Variants in PRKG1 observed in about 807,000 individuals in gnomAD.
PRKG1 encodes cGMP-dependent protein kinase 1.
PRKG1 carries 35 observed loss-of-function variants against 88.1 expected under a neutral mutation model. The observed-to-expected ratio is 0.40, with a 90% CI of 0.30 to 0.53. The LOEUF (loss-of-function observed/expected upper bound fraction) is 0.53, where lower values mean the gene tolerates loss of function less well. Ranked by LOEUF, PRKG1 falls within the 20% of genes least tolerant of loss-of-function variation. PRKG1 has a pLI of 0.59. For missense variants in PRKG1, 540 were observed against 839.8 expected, an observed-to-expected ratio of 0.64 and a Z score of 4.41; for synonymous variants, 303 against 292.5, an observed-to-expected ratio of 1.04 and a Z score of -0.37.
At chr10:51,525,829 C>CTT (rs747976301) in intron 3 of PRKG1, among the ~76,000 whole-genome samples, 17 of 146,074 alleles carry the variant, frequency 1.2e-4, no homozygotes, top group South Asian at 2.2e-4. Flanking sequence ...ACTCTTAGCA[C>CTT]TTTTTTTTTT....
At chr10:51,113,483 A>G (rs1208285775) in intron 1 of PRKG1, among the ~76,000 whole-genome samples, 2 of 152,100 alleles carry the variant, frequency 1.3e-5, no homozygotes, top group African/African-American at 4.8e-5. Flanking sequence ...TTACTCCTTT[A>G]TCTTATGTTG....
At chr10:51,130,135 C>T (rs1845528031) in intron 1 of PRKG1, among the ~76,000 whole-genome samples, 1 of 152,166 alleles carries the variant, frequency 6.6e-6, no homozygotes, top group Admixed American at 6.5e-5. Flanking sequence ...GCTTTAGTTA[C>T]ACTACTTACT....
At chr10:51,701,803 C>G (rs1054298458) in intron 3 of PRKG1, among the ~76,000 whole-genome samples, 1 of 151,050 alleles carries the variant, frequency 6.6e-6, no homozygotes, top group Non-Finnish European at 1.5e-5. Context: ...GATTGCACAT[C>G]TTGACAGAGT....
intron 9 of PRKG1, among the ~76,000 whole-genome samples, chr10:52,166,839 G>GTATATATATATGTA (rs375678645): frequency 2.2e-5 from 2 of 90,484 alleles, no homozygotes; most frequent in African/African-American, 9.5e-5. Flanking sequence ...GTATATATAT[G>GTATATATATATGTA]TATATATATG....
At chr10:52,226,687 A>AATGCCATT (rs1840395684) in intron 9 of PRKG1, among the ~76,000 whole-genome samples, 1 of 152,140 alleles carries the variant, frequency 6.6e-6, no homozygotes, top group African/African-American at 2.4e-5. Flanking sequence ...ATGCACAGTG[A>AATGCCATT]ATGCCATTTT....
At chr10:51,449,203 A>G (rs567423362) in intron 2 of PRKG1, among the ~76,000 whole-genome samples, 1 of 152,090 alleles carries the variant, frequency 6.6e-6, no homozygotes, top group East Asian at 1.9e-4. Flanking sequence ...ATATTATTCA[A>G]CATGAGGTTA....
intron 3 of PRKG1, among the ~76,000 whole-genome samples, chr10:51,577,946 A>T (rs1837930107): frequency 6.6e-6 from 1 of 152,080 alleles, no homozygotes; most frequent in African/African-American, 2.4e-5. Flanking sequence ...GTACTAAATC[A>T]CCTGGAAGTT....
At chr10:51,978,736 T>A (rs1843914924) in intron 5 of PRKG1, among the ~76,000 whole-genome samples, 1 of 152,088 alleles carries the variant, frequency 6.6e-6, no homozygotes, top group Non-Finnish European at 1.5e-5. Flanking sequence ...GGGATGGGAC[T>A]GCATTCCTGA....
intron 5 of PRKG1, among the ~76,000 whole-genome samples, chr10:52,026,559 A>T (rs1198715143): frequency 6.6e-6 from 1 of 152,266 alleles, no homozygotes; most frequent in Admixed American, 6.5e-5. Context: ...GAGGAAAGGC[A>T]GAATGGGGAG....
intron 3 of PRKG1, among the ~76,000 whole-genome samples, chr10:51,684,448 G>A (rs1364550525): frequency 2.6e-5 from 4 of 152,014 alleles, no homozygotes; most frequent in Non-Finnish European, 5.9e-5. Flanking sequence ...TACATTGGAT[G>A]CTTTAAATAG....
At chr10:52,140,677 AG>A (rs1393257646) in intron 8 of PRKG1, among the ~76,000 whole-genome samples, 10 of 152,170 alleles carry the variant, frequency 6.6e-5, no homozygotes, top group Non-Finnish European at 1.3e-4. Flanking sequence ...AAAATCCAGA[AG>A]AATCTTTCAG....
At chr10:51,146,032 CA>C (rs201824211) in intron 1 of PRKG1, among the ~76,000 whole-genome samples, 1 of 151,174 alleles carries the variant, frequency 6.6e-6, no homozygotes, top group African/African-American at 2.4e-5. Flanking sequence ...AACAAACAAA[CA>C]AAAAAAACAG....
intron 7 of PRKG1, among the ~76,000 whole-genome samples, chr10:52,083,041 G>T (rs914016629): frequency 7.9e-5 from 12 of 152,052 alleles, no homozygotes; most frequent in African/African-American, 2.7e-4. Context: ...TGTGGTGGGT[G>T]AGGGGATATG....
At chr10:52,140,756 G>T (rs190877065) in intron 8 of PRKG1, among the ~76,000 whole-genome samples, 16 of 152,142 alleles carry the variant, frequency 1.1e-4, no homozygotes, top group Admixed American at 9.2e-4. Flanking sequence ...GCAAACCCTT[G>T]CAGGCACCAC....
At chr10:51,731,956 G>GC (rs1199492350) in intron 3 of PRKG1, among the ~76,000 whole-genome samples, 2 of 152,000 alleles carry the variant, frequency 1.3e-5, no homozygotes, top group Non-Finnish European at 2.9e-5. Context: ...TGGGTGCATG[G>GC]CCCCCTGGGG....
At chr10:51,594,548 C>T (rs753566913) in intron 3 of PRKG1, among the ~76,000 whole-genome samples, 1 of 152,224 alleles carries the variant, frequency 6.6e-6, no homozygotes, top group Non-Finnish European at 1.5e-5. Context: ...ACTCCATTTA[C>T]ATCAATCTCT....
chr10:51,900,767 T>G (rs1841962619), intron 4 of PRKG1, among the ~76,000 whole-genome samples: 1 of 151,914 alleles, frequency 6.6e-6, no homozygotes, highest in African/African-American at 2.4e-5. Context: ...AAAACCCATA[T>G]TTTTTTTAAA....
At chr10:51,195,582 T>G (rs142721413) in intron 2 of PRKG1, among the ~76,000 whole-genome samples, 308 of 152,284 alleles carry the variant, frequency 2.0e-3, no homozygotes, top group African/African-American at 6.9e-3. Flanking sequence ...TTAGGAGGCA[T>G]AAAGTTCTCT....
At chr10:51,519,898 G>A (rs1456370624) in intron 3 of PRKG1, among the ~76,000 whole-genome samples, 1 of 152,118 alleles carries the variant, frequency 6.6e-6, no homozygotes, top group Non-Finnish European at 1.5e-5. Flanking sequence ...TCTTATCTCA[G>A]AAAGAAACAG....
Sources: gnomAD v4.1 joint callset for allele counts (sites outside exome capture counted in the v4.1 genomes callset) on GRCh38, gnomAD v4.1.1 for gene constraint, MANE v1.5 for transcripts, NCBI Gene and HGNC (gene_info 2026-07-23, HGNC 2026-07-21) for gene names.